The following RAP1GAP2 variants were observed in gnomAD, a reference collection of about 807,000 sequenced individuals.
RAP1GAP2 encodes RAP1 GTPase activating protein 2, also known as rap1 GTPase-activating protein 2.
In RAP1GAP2, 27 loss-of-function variants were observed where a neutral mutation model predicts 95.0. The ratio of observed to expected loss-of-function variants is 0.28; its 90% CI spans 0.21 to 0.39. The LOEUF is 0.39. RAP1GAP2 is among the 10% of genes least tolerant of loss of function. The pLI is 1.00. For missense variants in RAP1GAP2, 771 were observed against 970.0 expected (o/e 0.79, Z 2.72); for synonymous variants, 373 against 380.9 (o/e 0.98, Z 0.24).
At chr17:2,804,895 C>T (rs895259320) in intron 2 of RAP1GAP2, among the ~76,000 whole-genome samples, 2 of 152,218 alleles carry the variant, frequency 1.3e-5, no homozygotes, top group African/African-American at 4.8e-5. Context: ...GTTGGATTAG[C>T]GTCCAGCCTT....
Position 3,018,152 on chromosome 17 carries a change from G to A in RAP1GAP2, c.1586G>A (p.Gly529Glu). The change falls in exon 18 of 25, where the codon GGG (glycine) becomes GAG (glutamate). Residue 529 changes from glycine to glutamate, a missense_variant. By Grantham distance (98) the Gly-to-Glu change is moderately conservative. Transcript: ENST00000254695. ...GGGGGCATCCCTGGCAGCCTCAGCG[G>A]GGGCATCTCCCACAACAGCATGGAG... ...HSGGIPGSLS[G>E]GISHNSMEVT... 6.3e-7 allele frequency: 1 copy of A among 1,580,212 alleles called. No homozygotes were observed. The highest frequency in any genetic ancestry group is 8.6e-7 in the Non-Finnish European group (1 of 1,163,726).
intron 10 of RAP1GAP2, among the ~76,000 whole-genome samples, 183 bp from the exon 11 acceptor site, chr17:2,984,800 G>A (rs1000870084): frequency 3.9e-5 from 6 of 152,234 alleles, no homozygotes; most frequent in Middle Eastern, 6.8e-3. Context: ...GAAGCTAGCT[G>A]ACTTTGGAGC....
At position 3,019,432 on chromosome 17, in the gene RAP1GAP2, G is replaced by A. The variant is rs1452692300; in HGVS notation, c.1633-1045G>A. On this transcript the variant is annotated intron_variant, in intron 18 of 24. Coordinates refer to ENST00000254695, the MANE Select transcript of RAP1GAP2 (RefSeq NM_015085.5). ...GGAGACTGAGGTGGGAGGATCACCT[G>A]TGCCTGGGGAGGTTGAGGCTCTAGC... Among the ~76,000 whole-genome samples the A allele has an allele frequency of 4.6e-5, 7 of 151,146 alleles. No homozygotes were observed. In the East Asian group the frequency reaches 1.2e-3, roughly 26 times the overall value.
At position 2,905,274 on chromosome 17, in the gene RAP1GAP2, C is replaced by T. The variant is rs1361230641; in HGVS notation, c.81-10C>T. ...CAGGTCCTCACTCACCTCTTTTGGCCTCTTCACAGGAAGCAGGAGCTGGCC... is the reference window on the plus strand; with the variant it reads ...CAGGTCCTCACTCACCTCTTTTGGCTTCTTCACAGGAAGCAGGAGCTGGCC... On this transcript the variant is annotated splice_polypyrimidine_tract_variant and intron_variant, in intron 2 of 24. Transcript: ENST00000254695. 6.2e-7 allele frequency: 1 copy of T among 1,613,302 alleles called. No individual in the cohort carries two copies. Among genetic ancestry groups the T allele is most frequent in the Non-Finnish European group, 8.5e-7 (1 of 1,179,568 alleles).
At chr17:2,844,059 C>T (rs1021174965) in intron 2 of RAP1GAP2, among the ~76,000 whole-genome samples, 9 of 151,934 alleles carry the variant, frequency 5.9e-5, no homozygotes, top group Admixed American at 1.3e-4. Context: ...CTTGCTGTGT[C>T]GCCCAGGCTG....
At chr17:3,026,519 C>G (rs2047123684) in intron 21 of RAP1GAP2, 55 bp downstream of exon 21, 1 of 1,352,948 alleles carries the variant, frequency 7.4e-7, no homozygotes, top group South Asian at 1.4e-5. Flanking sequence ...AGCCAGCCAC[C>G]CTCCTTGCAT....
chr17:2,921,458 C>T (rs2042767142), intron 3 of RAP1GAP2, among the ~76,000 whole-genome samples: 1 of 152,180 alleles, frequency 6.6e-6, no homozygotes, highest in African/African-American at 2.4e-5. Flanking sequence ...CCGCCTCAGC[C>T]CCCCAAAGTC....
At position 2,797,732 on chromosome 17, in the gene RAP1GAP2, C is replaced by T; in HGVS notation, c.44+1161C>T. ...GAAGATGGCACAGCGTCGCCTGTGT[C>T]TGCTCTCGGGCCCTCCCTGACGCCT... On this transcript the variant is annotated intron_variant, in intron 1 of 24. Coordinates refer to ENST00000254695, the MANE Select transcript of RAP1GAP2 (RefSeq NM_015085.5). This position sits in a 1 kb window ranked among gnomAD's most constrained non-coding sequence, Gnocchi z 5.6. 3 of 985,358 alleles carry T rather than the reference C, an allele frequency of 3.0e-6. No homozygotes were observed. Among genetic ancestry groups the T allele is most frequent in the Non-Finnish European group, 3.6e-6 (3 of 829,920 alleles). The allele number at this position is 985,358 out of a possible 1,614,324, so 61.0% of individuals were successfully genotyped here.
rs192133280 is a variant in RAP1GAP2 at position 2,974,121 on chromosome 17, C to A, written c.597-6166C>A. 8.1e-3 allele frequency among the ~76,000 whole-genome samples: 1,225 copies of A among 150,510 alleles called. 19 individuals carry two copies. Among genetic ancestry groups the A allele is most frequent in the African/African-American group, 0.028 (1,139 of 40,906 alleles). ...CCTTGGGAGGCCAAGGCGGGCGGATCACGAGGTCAGGAGATCGAGACCATC... is the reference window on the plus strand; with the variant it reads ...CCTTGGGAGGCCAAGGCGGGCGGATAACGAGGTCAGGAGATCGAGACCATC... On this transcript the variant is annotated intron_variant, in intron 8 of 24. Transcript: ENST00000254695.
intron 1 of RAP1GAP2, among the ~76,000 whole-genome samples, chr17:2,798,937 TCCAGCG>T (rs2151476504): frequency 6.6e-6 from 1 of 152,306 alleles, no homozygotes; most frequent in Non-Finnish European, 1.5e-5. Flanking sequence ...TTCCAGCGGT[TCCAGCG>T]CCGACTCCAC....
intron 2 of RAP1GAP2, among the ~76,000 whole-genome samples, chr17:2,820,901 T>TG (rs1420446319): frequency 2.0e-5 from 3 of 147,370 alleles, no homozygotes; most frequent in African/African-American, 7.5e-5. Context: ...GGTTTTTTTT[T>TG]TTTTTTTTGT....
Position 2,914,966 on chromosome 17 carries a change from A to C in RAP1GAP2, c.165+9598A>C, listed in dbSNP as rs111966788. Among the ~76,000 whole-genome samples, 819 of 150,826 alleles carry C rather than the reference A, an allele frequency of 5.4e-3. 4 individuals carry two copies. Among genetic ancestry groups the C allele is most frequent in the African/African-American group, 0.018 (757 of 40,944 alleles). On this transcript the variant is annotated intron_variant, in intron 3 of 24. Coordinates refer to ENST00000254695, the MANE Select transcript of RAP1GAP2 (RefSeq NM_015085.5). ...GCCACCACGCCCAGCTAATTGTTTT[A>C]TTCTCAGTAAAGACAAGGTTTCACC...
chr17:3,006,022 A>T lies in RAP1GAP2; in HGVS notation c.1340A>T (p.Asp447Val), dbSNP rs2046320165. 1.2e-6 allele frequency: 2 copies of T among 1,612,338 alleles called. No homozygotes were observed. Among genetic ancestry groups the T allele is most frequent in the Non-Finnish European group, 1.7e-6 (2 of 1,179,128 alleles). Residue 447 changes from aspartate to valine, a missense_variant, in exon 16 of 25, where the codon GAC becomes GTC. Coordinates refer to ENST00000254695, the MANE Select transcript of RAP1GAP2 (RefSeq NM_015085.5). ...GCCGAGAACGCCTGCTGCAAGTCGG[A>T]CAAGTTTGCAAAGCTGGAGGTGAGA... ...TNAENACCKS[D>V]KFAKLEDRTR...
At chr17:2,982,332 G>A (rs1354503237) in intron 10 of RAP1GAP2, among the ~76,000 whole-genome samples, 2 of 152,108 alleles carry the variant, frequency 1.3e-5, no homozygotes, top group Admixed American at 6.5e-5. Context: ...AGAGACGGGC[G>A]TTTCACCATG....
chr17:2,854,596 C>T (rs1362059320), intron 2 of RAP1GAP2, among the ~76,000 whole-genome samples: 3 of 152,260 alleles, frequency 2.0e-5, no homozygotes, highest in Admixed American at 1.3e-4. Flanking sequence ...CTCGCCCCAC[C>T]GCCATAGGGT....
Position 2,998,290 on chromosome 17 carries a change from G to T in RAP1GAP2, c.1114G>T (p.Val372Phe). ...CTTCCAAGAGGAAAACACGCCGTTTGTCCCAGACATGATAGCCTCCAATTT... is the reference window on the plus strand; with the variant it reads ...CTTCCAAGAGGAAAACACGCCGTTTTTCCCAGACATGATAGCCTCCAATTT... ...IIFQEENTPF[V>F]PDMIASNFLH... The change falls in exon 14 of 25, where the codon GTC (valine) becomes TTC (phenylalanine). Residue 372 changes from valine (V) to phenylalanine (F), a missense_variant. Val to Phe is a conservative substitution (Grantham distance 50). Coordinates refer to ENST00000254695, the MANE Select transcript of RAP1GAP2 (RefSeq NM_015085.5). The T allele has an allele frequency of 6.2e-7, 1 of 1,614,054 alleles. No homozygotes were observed. Among genetic ancestry groups the T allele is most frequent in the Non-Finnish European group, 8.5e-7 (1 of 1,179,892 alleles).
At chr17:2,942,497 G>T (rs530911364) in intron 3 of RAP1GAP2, among the ~76,000 whole-genome samples, 2 of 152,214 alleles carry the variant, frequency 1.3e-5, no homozygotes, top group South Asian at 4.1e-4. Flanking sequence ...CAAAAAATTG[G>T]ATTTCTGGCT....
upstream of RAP1GAP2, among the ~76,000 whole-genome samples, chr17:2,776,096 T>C (rs1259370982): frequency 6.6e-6 from 1 of 152,130 alleles, no homozygotes; most frequent in Non-Finnish European, 1.5e-5. Flanking sequence ...CAAGAATCGC[T>C]TGAACCCGGG....
intron 2 of RAP1GAP2, among the ~76,000 whole-genome samples, chr17:2,861,806 C>A (rs1430287746): frequency 6.6e-6 from 1 of 152,106 alleles, no homozygotes; most frequent in African/African-American, 2.4e-5. Context: ...AGGTGCCCGC[C>A]ACCATGCCCG....
Sources: allele counts gnomAD v4.1 joint callset (sites outside exome capture counted in the v4.1 genomes callset), GRCh38; gene constraint gnomAD v4.1.1; non-coding constraint Gnocchi (gnomAD v3.1); transcripts MANE v1.5; gene names NCBI Gene and HGNC (gene_info 2026-07-23, HGNC 2026-07-21).